CPEB3: variants seen among roughly 807,000 people sequenced by gnomAD.
CPEB3 encodes the protein cytoplasmic polyadenylation element-binding protein 3.
CPEB3 carries 20 observed loss-of-function variants against 67.2 expected under a neutral mutation model. That is an observed-to-expected ratio of 0.30 (90% CI 0.21 to 0.43). The LOEUF is 0.43. Ranked by LOEUF, CPEB3 falls within the 20% of genes least tolerant of loss-of-function variation. The pLI, the probability that CPEB3 is intolerant of heterozygous loss-of-function variation, is 1.00. For missense variants in CPEB3, 746 were observed against 968.6 expected (o/e 0.77, Z 3.05); for synonymous variants, 376 against 393.1 (o/e 0.96, Z 0.51).
At chr10:92,071,070 TACACACACACACACACACAC>T (rs58497259) in intron 9 of CPEB3, among the ~76,000 whole-genome samples, 2 of 147,618 alleles carry the variant, frequency 1.4e-5, no homozygotes, top group African/African-American at 5.0e-5. Flanking sequence ...CACTTTCATT[TACACACACACACACACACAC>T]ACACACACAC....
chr10:92,143,080 C>A lies in CPEB3; in HGVS notation c.1402G>T (p.Val468Leu). ...TASFRRFGPL[V>L]VDWPHKAESK... is the part of the protein sequence containing the mutation. ...TCAGCTTTGTGAGGCCAGTCTACTACGAGAGGTCCAAACCTGCGAAAGCTG... is the reference window on the plus strand; with the variant it reads ...TCAGCTTTGTGAGGCCAGTCTACTAAGAGAGGTCCAAACCTGCGAAAGCTG... Residue 468 changes from valine (V) to leucine (L), a missense_variant, in exon 6 of 10, where the codon GTA (valine) becomes TTA (leucine). Coordinates refer to ENST00000265997, the MANE Select transcript of CPEB3 (RefSeq NM_014912.5). 2.5e-6 allele frequency: 4 copies of A among 1,613,596 alleles called. No individual in the cohort carries two copies. The highest frequency in any genetic ancestry group is 3.4e-6 in the Non-Finnish European group (4 of 1,179,762).
chr10:92,158,098 A>G (rs1187991484), intron 4 of CPEB3, among the ~76,000 whole-genome samples: 1 of 152,050 alleles, frequency 6.6e-6, no homozygotes, highest in Non-Finnish European at 1.5e-5. Context: ...GAAGAAAACC[A>G]TGGGTATTTG....
At chr10:92,140,433 A>G (rs1044118880) in intron 6 of CPEB3, among the ~76,000 whole-genome samples, 2 of 152,192 alleles carry the variant, frequency 1.3e-5, no homozygotes, top group Non-Finnish European at 2.9e-5. Context: ...CCATATGTAG[A>G]AAGCTGAAAC....
In CPEB3 at chr10:92,289,732, A is replaced by AAAAAAAAATAT; in HGVS notation, c.-12+1193_-12+1194insATATTTTTTTT. Among the ~76,000 whole-genome samples, 412 of 75,702 alleles carry AAAAAAAAATAT rather than the reference A, an allele frequency of 5.4e-3. 7 individuals are homozygous for AAAAAAAAATAT. The highest frequency in any genetic ancestry group is 8.5e-3 in the Non-Finnish European group (333 of 39,042). 49.7% of individuals were successfully genotyped at this position (75,702 alleles called of 152,430 possible). A position where few individuals can be genotyped will look rare whatever the true frequency, so the allele number is the denominator to read the frequency against. Reference sequence around the variant, plus strand: ...CGCGTCTCTACCAAAAAAAAAAAAAAATATATATATATATATATATATATA... The same window carrying AAAAAAAAATAT: ...CGCGTCTCTACCAAAAAAAAAAAAAAAAAAAAAATATATATATATATATATATATATATATA... On this transcript the variant is annotated intron_variant, in intron 1 of 9. Transcript: ENST00000265997.
At chr10:92,117,888 T>C (rs1318101261) in intron 6 of CPEB3, among the ~76,000 whole-genome samples, 2 of 152,174 alleles carry the variant, frequency 1.3e-5, no homozygotes, top group East Asian at 3.9e-4. Context: ...ACAGTAACTC[T>C]ATGAGGTAAA....
intron 9 of CPEB3, among the ~76,000 whole-genome samples, chr10:92,060,462 A>C (rs1476614546): frequency 6.6e-6 from 1 of 152,160 alleles, no homozygotes; most frequent in African/African-American, 2.4e-5. Context: ...TCTTGGCAAA[A>C]ATTTCTTGAG....
chr10:92,214,670 G>A (rs533253496), intron 2 of CPEB3, among the ~76,000 whole-genome samples: 1 of 151,950 alleles, frequency 6.6e-6, no homozygotes, highest in East Asian at 1.9e-4. Flanking sequence ...ATTTTTACTA[G>A]AGATGAGGTT....
intron 3 of CPEB3, among the ~76,000 whole-genome samples, chr10:92,184,786 G>A (rs1273592577): frequency 2.0e-5 from 3 of 152,034 alleles, no homozygotes; most frequent in Admixed American, 6.6e-5. Flanking sequence ...ATTATAAAAT[G>A]CAATATATTT....
chr10:92,246,965 CCCTTGTTA>C (rs1262879424), intron 1 of CPEB3, among the ~76,000 whole-genome samples: 1 of 152,154 alleles, frequency 6.6e-6, no homozygotes, highest in Admixed American at 6.5e-5. Flanking sequence ...TTGGCTCTAA[CCCTTGTTA>C]AACCATAATT....
At chr10:92,217,860 G>T (rs1463188638) in intron 2 of CPEB3, among the ~76,000 whole-genome samples, 2 of 152,244 alleles carry the variant, frequency 1.3e-5, no homozygotes, top group East Asian at 3.8e-4. Context: ...GGTCAGGCCT[G>T]TAATTCCAGG....
At chr10:92,272,699 C>A (rs1414574339) in intron 1 of CPEB3, among the ~76,000 whole-genome samples, 3 of 152,200 alleles carry the variant, frequency 2.0e-5, no homozygotes, top group Admixed American at 6.5e-5. Flanking sequence ...CCCTTGCCTT[C>A]ATGAAGCTTA....
intron 9 of CPEB3, among the ~76,000 whole-genome samples, chr10:92,066,623 A>T (rs1043303958): frequency 3.9e-5 from 6 of 152,156 alleles, no homozygotes; most frequent in African/African-American, 1.4e-4. Context: ...TCTTCTTGGC[A>T]TGTGTCATAC....
intron 6 of CPEB3, among the ~76,000 whole-genome samples, chr10:92,115,321 T>A (rs950812500): frequency 6.6e-6 from 1 of 152,146 alleles, no homozygotes; most frequent in African/African-American, 2.4e-5. Context: ...ACCCGACTAA[T>A]TTTTGTATTC....
intron 1 of CPEB3, among the ~76,000 whole-genome samples, chr10:92,252,772 G>A (rs759337603): frequency 6.6e-6 from 1 of 151,892 alleles, no homozygotes; most frequent in African/African-American, 2.4e-5. Context: ...CTCCCACCTC[G>A]GCCTCCCAAA....
intron 1 of CPEB3, among the ~76,000 whole-genome samples, chr10:92,241,059 A>T (rs779900759): frequency 4.6e-5 from 7 of 151,820 alleles, no homozygotes; most frequent in Non-Finnish European, 1.0e-4. Flanking sequence ...AGTTAATTTT[A>T]AAAAAAACGT....
chr10:92,257,479 A>T (rs1015583342), intron 1 of CPEB3, among the ~76,000 whole-genome samples: 2 of 151,634 alleles, frequency 1.3e-5, no homozygotes, highest in Non-Finnish European at 2.9e-5. Context: ...TATTTTTAGT[A>T]TAGATAGAGT....
chr10:92,058,596 T>C (rs3046634), intron 9 of CPEB3, among the ~76,000 whole-genome samples: 20,924 of 99,510 alleles, frequency 0.21, 1,776 homozygotes, highest in East Asian at 0.37. Context: ...TACATACATA[T>C]ATATATATAT....
At chr10:92,282,854 A>G (rs1842356219) in intron 1 of CPEB3, among the ~76,000 whole-genome samples, 1 of 152,228 alleles carries the variant, frequency 6.6e-6, no homozygotes, top group African/African-American at 2.4e-5. Context: ...ATGTTAAAGC[A>G]AACTTCTGAA....
intron 9 of CPEB3, among the ~76,000 whole-genome samples, chr10:92,066,058 C>T (rs919032869): frequency 8.6e-5 from 13 of 151,876 alleles, no homozygotes; most frequent in Non-Finnish European, 1.8e-4. Flanking sequence ...GACTGCACCA[C>T]TGCACTCCAA....
Sources: allele counts gnomAD v4.1 joint callset (sites outside exome capture counted in the v4.1 genomes callset), GRCh38; gene constraint gnomAD v4.1.1; transcripts MANE v1.5; gene names NCBI Gene and HGNC (gene_info 2026-07-23, HGNC 2026-07-21).